BAZ2B: variants seen among roughly 807,000 people sequenced by gnomAD.
BAZ2B encodes the protein bromodomain adjacent to zinc finger domain protein 2B.
Under a neutral mutation model 246.0 loss-of-function variants are expected in BAZ2B, and 91 were observed. The ratio of observed to expected loss-of-function variants is 0.37; its 90% CI spans 0.31 to 0.44. BAZ2B has a LOEUF of 0.44. BAZ2B is among the 20% of genes least tolerant of loss of function. The pLI is 1.00. For missense variants in BAZ2B, 2,332 were observed against 2,533.7 expected, an observed-to-expected ratio of 0.92 and a Z score of 1.71; for synonymous variants, 855 against 860.0, an observed-to-expected ratio of 0.99 and a Z score of 0.10.
At chr2:159,549,330 C>T (rs1221372696) in intron 2 of BAZ2B, among the ~76,000 whole-genome samples, 18 of 152,154 alleles carry the variant, frequency 1.2e-4, no homozygotes, top group Admixed American at 7.9e-4. Flanking sequence ...TTACATGTCT[C>T]TGAACATATG....
the BAZ2B span, chr2:159,712,221 G>C: frequency 6.6e-6 from 1 of 152,122 alleles, no homozygotes; most frequent in Non-Finnish European, 1.5e-5. Context: ...TAGACGGGCG[G>C]GGACCGCCCC....
intron 3 of BAZ2B, among the ~76,000 whole-genome samples, chr2:159,477,880 T>C (rs1320002508): frequency 1.3e-5 from 2 of 152,190 alleles, no homozygotes; most frequent in African/African-American, 4.8e-5. Flanking sequence ...TGGAATGCAA[T>C]GGCGCAATCT....
At position 159,430,914 on chromosome 2, in the gene BAZ2B, G is replaced by A. The variant is rs754644030; in HGVS notation, c.2143C>T (p.Pro715Ser). The part of the protein sequence containing the change: ...PAALCSESQS[P>S]AFLGTSSSTL... ...GAAGAAGATGTACCAAGAAAAGCAG[G>A]TGACTGGGATTCAGAACATAAGGCA... Residue 715 changes from proline to serine, a missense_variant, in exon 10 of 37, where the codon CCT (proline) becomes TCT (serine). Physicochemically the swap from Pro to Ser is moderately conservative, Grantham distance 74 (BLOSUM62 -1). Coordinates refer to ENST00000392783, the MANE Select transcript of BAZ2B (RefSeq NM_013450.4). The A allele has an allele frequency of 5.6e-6, 9 of 1,613,850 alleles. No individual in the cohort carries two copies. In the Admixed American group the frequency reaches 1.5e-4, roughly 27 times the overall value.
At chr2:159,590,649 T>A (rs1029435304) in intron 1 of BAZ2B, among the ~76,000 whole-genome samples, 1 of 151,946 alleles carries the variant, frequency 6.6e-6, no homozygotes, top group African/African-American at 2.4e-5. Flanking sequence ...AATTAAAAAA[T>A]TTTAAGGCAA....
chr2:159,344,007 G>A (rs141954756), intron 31 of BAZ2B, among the ~76,000 whole-genome samples: 2 of 129,492 alleles, frequency 1.5e-5, no homozygotes, highest in African/African-American at 6.3e-5. Context: ...GAGCCTGGGC[G>A]ACAGAACAAG....
At chr2:159,463,240 T>A in intron 3 of BAZ2B, 1 of 448,518 alleles carries the variant, frequency 2.2e-6, no homozygotes, top group East Asian at 5.1e-5. Context: ...CAACACACAA[T>A]CATTGAAGTT....
At chr2:159,429,320 T>C (rs939710961) in intron 10 of BAZ2B, 60 bp from the exon 11 acceptor site, 7 of 1,033,750 alleles carry the variant, frequency 6.8e-6, no homozygotes, top group Admixed American at 2.8e-5. Context: ...ATAATATTGA[T>C]AGTTTAGAAA....
At chr2:159,494,682 C>A (rs1186174807) in intron 2 of BAZ2B, among the ~76,000 whole-genome samples, 1 of 152,154 alleles carries the variant, frequency 6.6e-6, no homozygotes, top group East Asian at 1.9e-4. Flanking sequence ...AAATACTAGT[C>A]TTTTATTCTA....
chr2:159,510,999 C>T (rs893563285), intron 2 of BAZ2B, among the ~76,000 whole-genome samples: 4 of 152,058 alleles, frequency 2.6e-5, no homozygotes, highest in African/African-American at 4.8e-5. Context: ...AATCAAGACT[C>T]ATTTAATATT....
chr2:159,482,370 G>C (rs1371933669), intron 2 of BAZ2B, among the ~76,000 whole-genome samples: 1 of 152,082 alleles, frequency 6.6e-6, no homozygotes, highest in Non-Finnish European at 1.5e-5. Flanking sequence ...TTCCTCATGA[G>C]TGATTTCAAG....
chr2:159,529,277 A>C (rs1412651418), intron 2 of BAZ2B, among the ~76,000 whole-genome samples: 2 of 151,974 alleles, frequency 1.3e-5, no homozygotes, highest in Admixed American at 6.6e-5. Flanking sequence ...GTTTGGCAAC[A>C]ATGTGGGCTT....
At chr2:159,506,588 C>A (rs1162560135) in intron 2 of BAZ2B, among the ~76,000 whole-genome samples, 2 of 152,104 alleles carry the variant, frequency 1.3e-5, no homozygotes. Context: ...TCGGCCCAGT[C>A]CAGAAAAACT....
chr2:159,324,883 A>G lies in BAZ2B; in HGVS notation c.6281T>C (p.Val2094Ala), dbSNP rs1349916639. Residue 2094 changes from valine to alanine, a missense_variant, in exon 36 of 37, where the codon GTT becomes GCT. By Grantham distance (64) the Val-to-Ala change is moderately conservative. Coordinates refer to ENST00000392783, the MANE Select transcript of BAZ2B (RefSeq NM_013450.4). ...PFLLPVNLKL[V>A]PGYKKVIKKP... The stretch of plus-strand genomic sequence containing the variant: ...CTTAATAACTTTCTTATAACCAGGA[A>G]CAAGTTTCAAGTTTACAGGAAGTAG... 3.9e-6 allele frequency: 6 copies of G among 1,557,080 alleles called. No homozygotes were observed. The highest frequency in any genetic ancestry group is 2.8e-5 in the African/African-American group (2 of 70,430).
At chr2:159,513,753 A>G (rs1307040366) in intron 2 of BAZ2B, among the ~76,000 whole-genome samples, 1 of 152,208 alleles carries the variant, frequency 6.6e-6, no homozygotes, top group African/African-American at 2.4e-5. Flanking sequence ...CTGGTGGTCC[A>G]TGACTCCTTA....
At chr2:159,407,425 T>C (rs1160669648) in intron 14 of BAZ2B, among the ~76,000 whole-genome samples, 1 of 152,034 alleles carries the variant, frequency 6.6e-6, no homozygotes, top group Non-Finnish European at 1.5e-5. Context: ...TGAGCTGAGA[T>C]TGCACCACTG....
chr2:159,613,954 C>T (rs1377863232), intron 1 of BAZ2B, among the ~76,000 whole-genome samples: 3 of 152,140 alleles, frequency 2.0e-5, no homozygotes, highest in Non-Finnish European at 4.4e-5. Flanking sequence ...CTGTGTGTTA[C>T]ACAAACCTTT....
chr2:159,511,786 C>T (rs1001260077), intron 2 of BAZ2B, among the ~76,000 whole-genome samples: 1 of 152,014 alleles, frequency 6.6e-6, no homozygotes, highest in African/African-American at 2.4e-5. Context: ...TATGAAATTA[C>T]ATAGATAACT....
intron 3 of BAZ2B, among the ~76,000 whole-genome samples, chr2:159,465,091 A>T (rs1213455026): frequency 6.6e-6 from 1 of 152,188 alleles, no homozygotes; most frequent in East Asian, 1.9e-4. Context: ...ATTGTCTCAT[A>T]GTTCTGGAGG....
At chr2:159,619,110 A>T (rs1284292837), upstream of BAZ2B, among the ~76,000 whole-genome samples, 1 of 152,078 alleles carries the variant, frequency 6.6e-6, no homozygotes, top group Non-Finnish European at 1.5e-5. Context: ...CAGAAAAAAC[A>T]ATATATGTAA....
Sources: allele counts gnomAD v4.1 joint callset (sites outside exome capture counted in the v4.1 genomes callset), GRCh38; gene constraint gnomAD v4.1.1; transcripts MANE v1.5; gene names NCBI Gene and HGNC (gene_info 2026-07-23, HGNC 2026-07-21).